Variants in TNS3 observed in about 807,000 individuals in gnomAD.
TNS3 encodes the protein tensin-3.
TNS3 carries 45 observed loss-of-function variants against 140.9 expected under a neutral mutation model. The observed-to-expected ratio is 0.32, with a 90% CI of 0.25 to 0.41. The LOEUF (loss-of-function observed/expected upper bound fraction) is 0.41, where lower values mean the gene tolerates loss of function less well. Ranked by LOEUF, TNS3 falls within the 10% of genes least tolerant of loss-of-function variation. The pLI, the probability that TNS3 is intolerant of heterozygous loss-of-function variation, is 1.00. For synonymous variants in TNS3, 815 were observed against 788.4 expected (o/e 1.03, Z -0.56); for missense variants, 1,716 against 1,906.7 (o/e 0.90, Z 1.86).
At chr7:47,549,757 T>C (rs543626346) in intron 1 of TNS3, among the ~76,000 whole-genome samples, 1 of 152,244 alleles carries the variant, frequency 6.6e-6, no homozygotes, top group African/African-American at 2.4e-5. Context: ...CTCTAGTCCA[T>C]CTGTCCATCC....
At chr7:47,292,087 C>T in intron 26 of TNS3, 55 bp from the exon 27 acceptor site, 1 of 1,561,802 alleles carries the variant, frequency 6.4e-7, no homozygotes, top group Non-Finnish European at 8.8e-7. Context: ...ACCAAGAATC[C>T]TCATGACAAA....
intron 16 of TNS3, among the ~76,000 whole-genome samples, chr7:47,385,931 C>G (rs547605386): frequency 5.3e-4 from 80 of 152,330 alleles, no homozygotes; most frequent in Non-Finnish European, 5.9e-5. Context: ...AACACCAAAT[C>G]TTGCTATTGC....
chr7:47,296,030 G>A (rs553021276), intron 24 of TNS3, among the ~76,000 whole-genome samples: 3 of 152,224 alleles, frequency 2.0e-5, no homozygotes, highest in South Asian at 4.2e-4. Context: ...GGGAACCAAC[G>A]ACCTGCAATG....
intron 1 of TNS3, among the ~76,000 whole-genome samples, chr7:47,545,565 C>T (rs1400824311): frequency 6.6e-6 from 1 of 152,198 alleles, no homozygotes; most frequent in Non-Finnish European, 1.5e-5. Flanking sequence ...GAGGACCCAG[C>T]CTGGTCTCCC....
chr7:47,551,810 T>A (rs1228329562), intron 1 of TNS3, among the ~76,000 whole-genome samples: 1 of 152,132 alleles, frequency 6.6e-6, no homozygotes, highest in African/African-American at 2.4e-5. Context: ...GGAATGGAAG[T>A]ATGGCTGTTA....
At chr7:47,548,186 C>T (rs1387707087) in intron 1 of TNS3, among the ~76,000 whole-genome samples, 1 of 152,204 alleles carries the variant, frequency 6.6e-6, no homozygotes, top group Non-Finnish European at 1.5e-5. Context: ...AGGGGTGAGT[C>T]ACCACCCACC....
chr7:47,370,453 T>C (rs1790995559), intron 16 of TNS3, among the ~76,000 whole-genome samples: 1 of 152,190 alleles, frequency 6.6e-6, no homozygotes, highest in African/African-American at 2.4e-5. Context: ...CTGACCTGCA[T>C]GCGCTGATTT....
chr7:47,418,458 T>A (rs548359433), intron 10 of TNS3, among the ~76,000 whole-genome samples: 1 of 152,230 alleles, frequency 6.6e-6, no homozygotes, highest in Non-Finnish European at 1.5e-5. Flanking sequence ...TTGTAGGGTA[T>A]CAGATGCCCT....
In TNS3 at chr7:47,396,839, G is replaced by A. The variant is rs776516453; in HGVS notation, c.985C>T (p.Arg329Cys). The A allele has an allele frequency of 2.2e-5, 36 of 1,614,046 alleles. No individual in the cohort carries two copies. The highest frequency in any genetic ancestry group is 2.2e-4 in the East Asian group (10 of 44,900). The change falls in exon 16 of 31, where the codon CGC becomes TGC. Residue 329 changes from arginine to cysteine, a missense_variant. Transcript: ENST00000311160. ...VDYNTTDPLIRWDSYENLSAD... is the reference protein window; with the variant it reads ...VDYNTTDPLICWDSYENLSAD... ...CTGAGGTTCTCGTACGAGTCCCAGCGTATCAGTGGGTCTGTTGTGTTGTAG... is the reference window on the plus strand; with the variant it reads ...CTGAGGTTCTCGTACGAGTCCCAGCATATCAGTGGGTCTGTTGTGTTGTAG...
Position 47,369,304 on chromosome 7 carries a change from G to A in TNS3, c.1342C>T (p.Arg448Ter), listed in dbSNP as rs1790912545. 1 of 1,614,082 alleles carries A rather than the reference G, an allele frequency of 6.2e-7. No individual in the cohort carries two copies. Among genetic ancestry groups the A allele is most frequent in the South Asian group, 1.1e-5 (1 of 91,076 alleles). The change falls in exon 17 of 31, where the codon CGA becomes TGA. Residue 448 changes from arginine to a stop codon, truncating the protein, a stop_gained. Transcript: ENST00000311160. LOFTEE classifies it high-confidence loss of function. ...TGGCGGGTCCCACTGTACTTGCTTCGAGCATCAGTCATTTCCTTGAGGGAG... is the reference window on the plus strand; with the variant it reads ...TGGCGGGTCCCACTGTACTTGCTTCAAGCATCAGTCATTTCCTTGAGGGAG... The part of the protein sequence containing the change: ...GSSLKEMTDA[R>*]SKYSGTRHVV...
intron 20 of TNS3, among the ~76,000 whole-genome samples, chr7:47,306,692 G>A (rs890814276): frequency 1.9e-4 from 29 of 151,744 alleles, no homozygotes; most frequent in Middle Eastern, 6.8e-3. Flanking sequence ...CTCCTGCCTC[G>A]GCCTCCCGAG....
At chr7:47,485,339 C>A (rs1797572734) in intron 3 of TNS3, among the ~76,000 whole-genome samples, 1 of 152,180 alleles carries the variant, frequency 6.6e-6, no homozygotes, top group Non-Finnish European at 1.5e-5. Flanking sequence ...TCTCTGTAGC[C>A]CTCACAATAA....
In TNS3 at chr7:47,455,293, G is replaced by A. The variant is rs375985893; in HGVS notation, c.-75-13238C>T. The stretch of plus-strand genomic sequence containing the variant: ...GCCAACTCTGATGGGCAAAGGGGCT[G>A]CCCAGAGAATGCTGAGAGGATCACC... On this transcript the variant is annotated intron_variant, in intron 4 of 30. Transcript: ENST00000311160. Among the ~76,000 whole-genome samples the A allele has an allele frequency of 6.4e-4, 97 of 152,254 alleles. 2 individuals are homozygous for A. The Middle Eastern group carries it at 0.014, about 21-fold the overall frequency.
chr7:47,468,532 C>G (rs560182887), intron 4 of TNS3, among the ~76,000 whole-genome samples: 4 of 152,112 alleles, frequency 2.6e-5, no homozygotes, highest in Non-Finnish European at 4.4e-5. Context: ...ATGGCCACTG[C>G]GTTTAAGGGC....
chr7:47,452,089 C>A (rs1012336466), intron 4 of TNS3, among the ~76,000 whole-genome samples: 14 of 152,190 alleles, frequency 9.2e-5, no homozygotes, highest in African/African-American at 2.9e-4. Context: ...CAGTGCCTGG[C>A]CAGTAATAAG....
At chr7:47,491,450 C>G (rs1031652099) in intron 3 of TNS3, among the ~76,000 whole-genome samples, 4 of 152,044 alleles carry the variant, frequency 2.6e-5, no homozygotes, top group Admixed American at 6.5e-5. Flanking sequence ...TACGACCTCG[C>G]GGGGTGGATG....
chr7:47,564,511 C>T (rs1028725352), intron 1 of TNS3, among the ~76,000 whole-genome samples: 13 of 151,836 alleles, frequency 8.6e-5, no homozygotes, highest in African/African-American at 2.7e-4. Flanking sequence ...TGGCACACAC[C>T]TGTAATCCCA....
intron 16 of TNS3, among the ~76,000 whole-genome samples, chr7:47,392,794 T>G (rs895594448): frequency 6.6e-6 from 1 of 152,108 alleles, no homozygotes. Context: ...GGCTGCAGAG[T>G]GGAAGAGAGG....
At chr7:47,327,867 A>G (rs980078715) in intron 20 of TNS3, among the ~76,000 whole-genome samples, 1 of 151,904 alleles carries the variant, frequency 6.6e-6, no homozygotes, top group African/African-American at 2.4e-5. Context: ...AGCCCAGGAG[A>G]TCAAGTTTCA....
Sources: gnomAD v4.1 joint callset for allele counts (sites outside exome capture counted in the v4.1 genomes callset) on GRCh38, gnomAD v4.1.1 for gene constraint, MANE v1.5 for transcripts, NCBI Gene and HGNC (gene_info 2026-07-23, HGNC 2026-07-21) for gene names.